TNIK: variants seen among roughly 807,000 people sequenced by gnomAD.
TNIK encodes the protein TRAF2 and NCK-interacting protein kinase.
A neutral mutation model predicts 191.3 loss-of-function variants in TNIK; 49 were observed. That is an observed-to-expected ratio of 0.26 (90% CI 0.20 to 0.32). TNIK has a LOEUF of 0.32. TNIK is among the 10% of genes least tolerant of loss of function. The pLI, the probability that TNIK is intolerant of heterozygous loss-of-function variation, is 1.00. For missense variants in TNIK, 1,155 were observed against 1,702.3 expected (o/e 0.68, Z 5.66); for synonymous variants, 594 against 600.9 (o/e 0.99, Z 0.17).
At chr3:171,228,303 T>C in intron 2 of TNIK, 82 bp from the exon 3 acceptor site, 3 of 1,504,826 alleles carry the variant, frequency 2.0e-6, no homozygotes, top group South Asian at 2.3e-5. Flanking sequence ...GAAAAATTGC[T>C]TGGATCAGTG....
At chr3:171,459,804 G>A (rs1346998156) in intron 1 of TNIK, among the ~76,000 whole-genome samples, 1 of 152,024 alleles carries the variant, frequency 6.6e-6, no homozygotes, top group African/African-American at 2.4e-5. Context: ...GCCAGAGGAA[G>A]ACACGTACCG....
At chr3:171,403,244 C>T (rs1466536662) in intron 1 of TNIK, among the ~76,000 whole-genome samples, 1 of 152,202 alleles carries the variant, frequency 6.6e-6, no homozygotes, top group East Asian at 1.9e-4. Flanking sequence ...GAACAGCCCA[C>T]ACCTGGGGAA....
intron 2 of TNIK, among the ~76,000 whole-genome samples, chr3:171,249,389 T>C (rs1745979883): frequency 6.6e-6 from 1 of 152,218 alleles, no homozygotes; most frequent in African/African-American, 2.4e-5. Flanking sequence ...GGAGTTGTCA[T>C]TTTCTTTGAT....
intron 3 of TNIK, among the ~76,000 whole-genome samples, chr3:171,222,935 G>T (rs1043625878): frequency 1.3e-5 from 2 of 152,042 alleles, no homozygotes; most frequent in African/African-American, 4.8e-5. Context: ...AAAAAGAAAA[G>T]AAAAGAAAAG....
At chr3:171,358,787 C>G (rs543921959) in intron 2 of TNIK, among the ~76,000 whole-genome samples, 41 of 152,220 alleles carry the variant, frequency 2.7e-4, no homozygotes, top group African/African-American at 8.4e-4. Context: ...GGTGAGGTAC[C>G]TTGGAGGAAC....
rs1193911162 is a variant in TNIK at position 171,060,212 on chromosome 3, G to A, written c.*3669C>T. ...GGGAAAGCATTTTTTTAAAAGCTTC[G>A]TGGAATGTGAGACTTTAGCCCCTTC... On this transcript the variant is annotated 3_prime_UTR_variant, in exon 33 of 33. Transcript: ENST00000436636. 1.3e-5 allele frequency among the ~76,000 whole-genome samples: 2 copies of A among 152,026 alleles called. No individual in the cohort carries two copies. Among genetic ancestry groups the A allele is most frequent in the African/African-American group, 2.4e-5 (1 of 41,408 alleles).
chr3:171,292,202 GGATCATCTCAAGGTTGGCTTCTATCC>G (rs1446824541), intron 2 of TNIK, among the ~76,000 whole-genome samples: 2 of 152,020 alleles, frequency 1.3e-5, no homozygotes, highest in Non-Finnish European at 2.9e-5. Context: ...TTCAATATCT[GGATCATCTCAAGGTTGGCTTCTATCC>G]ATTTTCCCTT....
rs115680195 is a variant in TNIK, at chr3:171,087,318, T to G, written c.2886+24A>C. The G allele has an allele frequency of 1.6e-3, 2,581 of 1,613,236 alleles. 31 individuals are homozygous for G. The African/African-American group carries it at 0.027, about 17-fold the overall frequency. ...CCCAGGAAGGACAGCAGAACTGTCA[T>G]GTCAGCTGTTGCCCAGCACCTACTT... is the stretch of plus-strand genomic sequence containing the variant. On this transcript the variant is annotated intron_variant, in intron 24 of 32. Transcript: ENST00000436636.
At chr3:171,406,987 T>G (rs1180640444) in intron 1 of TNIK, among the ~76,000 whole-genome samples, 3 of 152,030 alleles carry the variant, frequency 2.0e-5, no homozygotes, top group Non-Finnish European at 2.9e-5. Flanking sequence ...CAGGCCTGCC[T>G]GGGGAAGTGG....
rs142251140 is a variant in TNIK, at chr3:171,078,417, C to T, written c.3448+1101G>A. ...ACTTTTATTACATTTTTTATTTCTG[C>T]CAATACATTTTAGTTTGCAAAATTT... On this transcript the variant is annotated intron_variant, in intron 28 of 32. Coordinates refer to ENST00000436636, the MANE Select transcript of TNIK (RefSeq NM_015028.4). Among the ~76,000 whole-genome samples, 808 of 151,972 alleles carry T rather than the reference C, an allele frequency of 5.3e-3. 11 individuals carry two copies. Among genetic ancestry groups the T allele is most frequent in the African/African-American group, 0.018 (756 of 41,470 alleles).
At chr3:171,206,699 C>T (rs1025565291) in intron 4 of TNIK, among the ~76,000 whole-genome samples, 1 of 152,052 alleles carries the variant, frequency 6.6e-6, no homozygotes, top group Non-Finnish European at 1.5e-5. Flanking sequence ...AGTTTTGAGG[C>T]CCGGGGAAAG....
At chr3:171,255,212 CA>C (rs1746702087) in intron 2 of TNIK, among the ~76,000 whole-genome samples, 1 of 152,120 alleles carries the variant, frequency 6.6e-6, no homozygotes, top group African/African-American at 2.4e-5. Context: ...ATCTGGCCAA[CA>C]AAACCTGATA....
chr3:171,113,523 G>A (rs575968623), intron 18 of TNIK, among the ~76,000 whole-genome samples: 28 of 151,796 alleles, frequency 1.8e-4, no homozygotes, highest in African/African-American at 5.3e-4. Flanking sequence ...GGAGAATGGC[G>A]TGAATCCAGG....
chr3:171,175,285 C>CG lies in TNIK; in HGVS notation c.739dup (p.Arg247ProfsTer10). On this transcript the variant is annotated frameshift_variant, in exon 9 of 33. Transcript: ENST00000436636. LOFTEE classifies it high-confidence loss of function. ...AGACTTCAGCCGAGGCGCTGGGTTC[C>CG]GGGGGATGAGGAAGAGAGCTCTCAT... 1 of 1,612,588 alleles carries CG rather than the reference C, an allele frequency of 6.2e-7. No homozygotes were observed. The highest frequency in any genetic ancestry group is 8.5e-7 in the Non-Finnish European group (1 of 1,179,492).
chr3:171,220,827 C>A (rs1430854861), intron 3 of TNIK, among the ~76,000 whole-genome samples: 5 of 152,108 alleles, frequency 3.3e-5, no homozygotes, highest in African/African-American at 9.7e-5. Context: ...CTATTGCTCA[C>A]CTTTATTAGT....
chr3:171,447,842 G>T (rs1333461455), intron 1 of TNIK, among the ~76,000 whole-genome samples: 1 of 152,160 alleles, frequency 6.6e-6, no homozygotes, highest in Non-Finnish European at 1.5e-5. Context: ...ATAACCTCAA[G>T]CTTCATCAAC....
Position 171,107,167 on chromosome 3 carries a change from A to C in TNIK, c.2406+16T>G. The stretch of plus-strand genomic sequence containing the variant: ...TACATTTTGTGAAAGCATGACCAAG[A>C]AAAGGTAATACTAACCTCATCTATA... On this transcript the variant is annotated intron_variant, in intron 21 of 32. Transcript: ENST00000436636. The C allele has an allele frequency of 6.2e-7, 1 of 1,608,346 alleles. No homozygotes were observed. The highest frequency in any genetic ancestry group is 1.3e-5 in the African/African-American group (1 of 74,520).
intron 1 of TNIK, among the ~76,000 whole-genome samples, chr3:171,430,658 A>AAG (rs1192987548): frequency 2.6e-5 from 4 of 151,752 alleles, no homozygotes; most frequent in Non-Finnish European, 4.4e-5. Context: ...AAAAAAAAAA[A>AAG]AAAAGAAATG....
chr3:171,364,223 A>T (rs1715382247), intron 2 of TNIK, among the ~76,000 whole-genome samples: 1 of 152,180 alleles, frequency 6.6e-6, no homozygotes. Flanking sequence ...TTCATTTTAC[A>T]TACTAAAGTT....
Sources: allele counts gnomAD v4.1 joint callset (sites outside exome capture counted in the v4.1 genomes callset), GRCh38; gene constraint gnomAD v4.1.1; transcripts MANE v1.5; gene names NCBI Gene and HGNC (gene_info 2026-07-23, HGNC 2026-07-21).